The following NPAS3 variants were observed in gnomAD, a reference collection of about 807,000 sequenced individuals.
NPAS3 encodes neuronal PAS domain-containing protein 3.
Under a neutral mutation model 73.1 loss-of-function variants are expected in NPAS3, and 14 were observed. The observed-to-expected ratio is 0.19, with a 90% CI of 0.13 to 0.30. The LOEUF (loss-of-function observed/expected upper bound fraction) is 0.30, where lower values mean the gene tolerates loss of function less well. NPAS3 is among the 10% of genes least tolerant of loss of function. The pLI, the probability that NPAS3 is intolerant of heterozygous loss-of-function variation, is 1.00. For missense variants in NPAS3, 1,096 were observed against 1,250.0 expected, an observed-to-expected ratio of 0.88 and a Z score of 1.86; for synonymous variants, 620 against 541.5, an observed-to-expected ratio of 1.14 and a Z score of -2.01.
chr14:33,772,335 T>C (rs1405892165), intron 7 of NPAS3, among the ~76,000 whole-genome samples: 1 of 152,070 alleles, frequency 6.6e-6, no homozygotes, highest in African/African-American at 2.4e-5. Flanking sequence ...CCCCCTTCAA[T>C]AGACTCCTAC....
At chr14:33,013,579 T>C in intron 1 of NPAS3, among the ~76,000 whole-genome samples, 1 of 152,318 alleles carries the variant, frequency 6.6e-6, no homozygotes, top group East Asian at 1.9e-4. Context: ...GTGATAATCT[T>C]GTAAACTTTT....
chr14:33,094,529 G>A (rs972071760), intron 2 of NPAS3, among the ~76,000 whole-genome samples: 1 of 150,184 alleles, frequency 6.7e-6, no homozygotes, highest in African/African-American at 2.5e-5. Context: ...GCAGTGGTGT[G>A]ATCTCAGCTC....
intron 3 of NPAS3, among the ~76,000 whole-genome samples, chr14:33,220,221 C>T (rs1209071692): frequency 6.6e-6 from 1 of 152,192 alleles, no homozygotes; most frequent in Non-Finnish European, 1.5e-5. Context: ...CCTCCATCAT[C>T]CTCAGCAGAC....
chr14:32,946,806 A>G (rs1298680273), intron 1 of NPAS3, among the ~76,000 whole-genome samples: 1 of 152,188 alleles, frequency 6.6e-6, no homozygotes, highest in Non-Finnish European at 1.5e-5. Context: ...TTAAAGGGAT[A>G]TTTTACTGAA....
At chr14:33,542,094 T>A (rs929909967) in intron 4 of NPAS3, among the ~76,000 whole-genome samples, 5 of 152,208 alleles carry the variant, frequency 3.3e-5, no homozygotes, top group Admixed American at 6.5e-5. Context: ...ATATACATAT[T>A]TGGCTGCAAA....
chr14:33,781,217 A>T (rs1416835039), intron 9 of NPAS3, among the ~76,000 whole-genome samples: 2 of 152,216 alleles, frequency 1.3e-5, no homozygotes, highest in Non-Finnish European at 2.9e-5. Context: ...AATATCTTCA[A>T]TCACACACAC....
chr14:33,710,712 C>CT (rs2060794480), intron 6 of NPAS3, among the ~76,000 whole-genome samples: 1 of 152,178 alleles, frequency 6.6e-6, no homozygotes, highest in Non-Finnish European at 1.5e-5. Context: ...GTGCTATAGG[C>CT]TGAGTGTCCC....
At chr14:33,555,081 A>G (rs1384207878) in intron 4 of NPAS3, among the ~76,000 whole-genome samples, 1 of 151,434 alleles carries the variant, frequency 6.6e-6, no homozygotes, top group Non-Finnish European at 1.5e-5. Flanking sequence ...TGTGTACCTC[A>G]TAGACTTACT....
chr14:33,675,928 A>G (rs1024423970), intron 5 of NPAS3, among the ~76,000 whole-genome samples: 6 of 151,600 alleles, frequency 4.0e-5, no homozygotes. Context: ...TACAAGGCAG[A>G]CTCGTCCACA....
intron 3 of NPAS3, among the ~76,000 whole-genome samples, chr14:33,304,599 C>G (rs1264864704): frequency 1.3e-5 from 2 of 151,942 alleles, no homozygotes; most frequent in Non-Finnish European, 2.9e-5. Flanking sequence ...CTTAGGGCTA[C>G]ATATGTGACA....
At chr14:33,429,043 C>G (rs2048672604) in intron 4 of NPAS3, among the ~76,000 whole-genome samples, 1 of 151,816 alleles carries the variant, frequency 6.6e-6, no homozygotes, top group Non-Finnish European at 1.5e-5. Flanking sequence ...GATGTTTGAG[C>G]TAAGGAGATT....
chr14:33,493,841 G>T (rs145895289), intron 4 of NPAS3, among the ~76,000 whole-genome samples: 17 of 152,130 alleles, frequency 1.1e-4, no homozygotes, highest in East Asian at 7.8e-4. Context: ...AGATAAAAAG[G>T]CTCCTTTTTT....
intron 3 of NPAS3, among the ~76,000 whole-genome samples, chr14:33,249,907 TACACAC>T (rs369565240): frequency 2.7e-5 from 4 of 146,972 alleles, no homozygotes; most frequent in Admixed American, 6.8e-5. Flanking sequence ...AAATCTGTCA[TACACAC>T]ACACACACAC....
At chr14:33,433,050 A>G (rs2048845616) in intron 4 of NPAS3, among the ~76,000 whole-genome samples, 1 of 152,182 alleles carries the variant, frequency 6.6e-6, no homozygotes, top group Non-Finnish European at 1.5e-5. Context: ...GGGATTTTTA[A>G]TGTTTATTTG....
intron 9 of NPAS3, among the ~76,000 whole-genome samples, chr14:33,784,346 T>C (rs1444010589): frequency 6.6e-6 from 1 of 152,182 alleles, no homozygotes; most frequent in African/African-American, 2.4e-5. Flanking sequence ...TACATACTAA[T>C]AGAGAAGGCA....
chr14:33,600,741 G>T (rs962774272), intron 5 of NPAS3, among the ~76,000 whole-genome samples: 3 of 152,100 alleles, frequency 2.0e-5, no homozygotes, highest in Non-Finnish European at 2.9e-5. Flanking sequence ...TAACTCACAG[G>T]TCCATTAATA....
At chr14:33,098,066 T>C (rs1265324116) in intron 2 of NPAS3, among the ~76,000 whole-genome samples, 2 of 152,210 alleles carry the variant, frequency 1.3e-5, no homozygotes, top group Non-Finnish European at 2.9e-5. Flanking sequence ...TAAGAAGTTA[T>C]TGTCTACTGT....
At chr14:33,327,112 C>A (rs892208816) in intron 3 of NPAS3, among the ~76,000 whole-genome samples, 3 of 152,136 alleles carry the variant, frequency 2.0e-5, no homozygotes, top group Admixed American at 6.5e-5. Flanking sequence ...AGAATTGCTG[C>A]AATTTGGCAA....
At chr14:33,514,882 T>C (rs2053226197) in intron 4 of NPAS3, among the ~76,000 whole-genome samples, 1 of 152,096 alleles carries the variant, frequency 6.6e-6, no homozygotes, top group Non-Finnish European at 1.5e-5. Context: ...CTGTAGAAAA[T>C]ACTGTAGAAT....
Sources: gnomAD v4.1 joint callset for allele counts (sites outside exome capture counted in the v4.1 genomes callset) on GRCh38, gnomAD v4.1.1 for gene constraint, MANE v1.5 for transcripts, NCBI Gene and HGNC (gene_info 2026-07-23, HGNC 2026-07-21) for gene names.